Variants in DCX observed in about 807,000 individuals in gnomAD.
DCX encodes the protein doublecortin.
DCX carries 4 observed loss-of-function variants against 20.9 expected under a neutral mutation model. That is an observed-to-expected ratio of 0.19 (90% CI 0.09 to 0.44). DCX has a LOEUF of 0.44. Ranked by LOEUF, DCX falls within the 20% of genes least tolerant of loss-of-function variation. The pLI, the probability that DCX is intolerant of heterozygous loss-of-function variation, is 0.99. For synonymous variants in DCX, 103 were observed against 111.4 expected (o/e 0.92, Z 0.47); for missense variants, 133 against 296.9 (o/e 0.45, Z 4.06).
intron 3 of DCX, among the ~76,000 whole-genome samples, chrX:111,395,761 G>A (rs755457804): frequency 8.9e-6 from 1 of 112,383 alleles, no homozygotes; most frequent in African/African-American, 3.2e-5. Context: ...GAAGGCCAAT[G>A]ATAAATGACC....
chrX:111,373,893 A>AGGC lies in DCX; in HGVS notation c.705+27094_705+27096dup, dbSNP rs755710445. Among the ~76,000 whole-genome samples the AGGC allele has an allele frequency of 2.2e-3, 247 of 111,925 alleles. 2 individuals carry two copies. The highest frequency in any genetic ancestry group is 0.019 in the Admixed American group (203 of 10,518). ...CCCATTTTTATAGACAATAAAACTG[A>AGGC]GGCTCAAAGAAACTTAGAAACTTAT... On this transcript the variant is annotated intron_variant, in intron 3 of 6. Coordinates refer to ENST00000636035, the MANE Select transcript of DCX (RefSeq NM_001195553.2).
chrX:111,322,275 C>T (rs1299854723), intron 5 of DCX, among the ~76,000 whole-genome samples: 1 of 111,360 alleles, frequency 9.0e-6, no homozygotes, highest in Non-Finnish European at 1.9e-5. Context: ...ATGGTATAAA[C>T]TCTGCCCCTT....
intron 6 of DCX, among the ~76,000 whole-genome samples, chrX:111,311,943 G>A (rs1259898017): frequency 8.9e-6 from 1 of 112,088 alleles, no homozygotes; most frequent in Non-Finnish European, 1.9e-5. Flanking sequence ...CACTGCCTTA[G>A]GTATAAGAGA....
intron 2 of DCX, among the ~76,000 whole-genome samples, chrX:111,405,258 G>A (rs191913482): frequency 2.4e-4 from 27 of 112,238 alleles, no homozygotes; most frequent in Non-Finnish European, 4.7e-4. Context: ...CCTGACTCAA[G>A]AAGGAATATA....
intron 6 of DCX, among the ~76,000 whole-genome samples, chrX:111,303,210 C>T (rs960420677): frequency 9.2e-6 from 1 of 109,279 alleles, no homozygotes; most frequent in Non-Finnish European, 1.9e-5. Flanking sequence ...ACCTCAGCCT[C>T]CCGAGTAGCT....
At chrX:111,367,844 C>T (rs773584839) in intron 3 of DCX, among the ~76,000 whole-genome samples, 1 of 111,691 alleles carries the variant, frequency 9.0e-6, no homozygotes, top group Non-Finnish European at 1.9e-5. Context: ...GTTTTGTTAG[C>T]CCCCAACCTC....
intron 3 of DCX, among the ~76,000 whole-genome samples, chrX:111,353,506 T>C (rs1415838283): frequency 1.8e-5 from 2 of 111,763 alleles, no homozygotes; most frequent in African/African-American, 3.3e-5. Flanking sequence ...TATCTTGTTT[T>C]GGCAAAAAGA....
Position 111,331,009 on chromosome X carries a change from T to G in DCX, c.841A>C (p.Thr281Pro), listed in dbSNP as rs747868768. 8.3e-7 allele frequency: 1 copy of G among 1,211,794 alleles called. No individual in the cohort carries two copies. The highest frequency in any genetic ancestry group is 3.0e-5 in the East Asian group (1 of 33,849). ...CRVMKGNPSA[T>P]AGPKASPTPQ... is the part of the protein sequence containing the mutation. ...GTTGGGGATGCCTTTGGGCCAGCTG[T>G]GGCTGATGGGTTTCCCTTCATGACT... The change falls in exon 5 of 7, where the codon ACA (threonine) becomes CCA (proline). Residue 281 changes from threonine (T) to proline (P), a missense_variant. This residue lies in a region of DCX where 68 missense variants were observed against 84.3 expected (regional missense o/e 0.81). Transcript: ENST00000636035.
intron 5 of DCX, among the ~76,000 whole-genome samples, chrX:111,326,546 T>C (rs972440626): frequency 1.8e-5 from 2 of 112,137 alleles, no homozygotes; most frequent in African/African-American, 6.5e-5. Flanking sequence ...AGGAGCCTCC[T>C]GGGCTCAGAT....
chrX:111,376,240 C>G (rs907324452), intron 3 of DCX, among the ~76,000 whole-genome samples: 1 of 111,817 alleles, frequency 8.9e-6, no homozygotes, highest in African/African-American at 3.2e-5. Flanking sequence ...TAACACACCC[C>G]GCACAGAGTC....
chrX:111,410,454 A>G (rs1429619297), intron 1 of DCX, 34 bp from the exon 2 acceptor site: 1 of 1,202,239 alleles, frequency 8.3e-7, no homozygotes, highest in Admixed American at 2.2e-5. Context: ...GGGTGAAGAG[A>G]GGCAAAAACA....
At chrX:111,404,976 G>A (rs899456258) in intron 2 of DCX, among the ~76,000 whole-genome samples, 1 of 112,011 alleles carries the variant, frequency 8.9e-6, no homozygotes, top group African/African-American at 3.2e-5. Context: ...CCTACCAGCT[G>A]GGGGCCTAGA....
At position 111,296,342 on chromosome X, in the gene DCX, A is replaced by C. The variant is rs1357490738; in HGVS notation, c.*5345T>G. The C allele has an allele frequency of 3.6e-5, 4 of 111,969 alleles. No homozygotes were observed. Among genetic ancestry groups the C allele is most frequent in the African/African-American group, 1.3e-4 (4 of 30,741 alleles). 9.2% of individuals were successfully genotyped at this position (111,969 alleles called of 1,213,427 possible). A position where few individuals can be genotyped will look rare whatever the true frequency, so the allele number is the denominator to read the frequency against. On this transcript the variant is annotated 3_prime_UTR_variant, in exon 7 of 7. Coordinates refer to ENST00000636035, the MANE Select transcript of DCX (RefSeq NM_001195553.2). Reference sequence around the variant, plus strand: ...ACCTGCCCTTCTGATCAGGAGCAGAAAGATGCCTTAATTACCAATTGGAAT... The same window carrying C: ...ACCTGCCCTTCTGATCAGGAGCAGACAGATGCCTTAATTACCAATTGGAAT...
chrX:111,409,865 G>T (rs767368125), intron 2 of DCX, among the ~76,000 whole-genome samples, 170 bp downstream of exon 2: 1 of 112,120 alleles, frequency 8.9e-6, no homozygotes, highest in South Asian at 3.8e-4. Context: ...AGACTGAAGG[G>T]TGATTGCTAA....
chrX:111,323,315 T>C (rs2095091156), intron 5 of DCX, among the ~76,000 whole-genome samples: 1 of 112,167 alleles, frequency 8.9e-6, no homozygotes, highest in African/African-American at 3.2e-5. Context: ...ATTTGAATAA[T>C]AATTATCTCA....
intron 3 of DCX, among the ~76,000 whole-genome samples, chrX:111,336,041 A>C (rs1274338251): frequency 8.9e-6 from 1 of 112,483 alleles, no homozygotes; most frequent in African/African-American, 3.2e-5. Flanking sequence ...AGCTGTAAAA[A>C]AAAATTAGTA....
intron 2 of DCX, among the ~76,000 whole-genome samples, chrX:111,408,205 C>T (rs939591007): frequency 8.9e-6 from 1 of 111,794 alleles, no homozygotes; most frequent in African/African-American, 3.3e-5. Context: ...TATTTTAAGA[C>T]ATGCTCCAGG....
Position 111,314,967 on chromosome X carries a change from T to C in DCX, c.947-2231A>G, listed in dbSNP as rs771738638. Among the ~76,000 whole-genome samples, 24 of 107,012 alleles carry C rather than the reference T, an allele frequency of 2.2e-4. 1 individual carries two copies. The highest frequency in any genetic ancestry group is 9.0e-4 in the African/African-American group (24 of 26,798). 92.9% of individuals were successfully genotyped at this position (107,012 alleles called of 115,157 possible). A position where few individuals can be genotyped will look rare whatever the true frequency, so the allele number is the denominator to read the frequency against. On this transcript the variant is annotated intron_variant, in intron 5 of 6. Coordinates refer to ENST00000636035, the MANE Select transcript of DCX (RefSeq NM_001195553.2). The stretch of plus-strand genomic sequence containing the variant: ...CTGTGCAGAAGCTCTTTAGTTTAAT[T>C]AGATCCCATTTGTCAATTTTGTCTT...
intron 3 of DCX, among the ~76,000 whole-genome samples, chrX:111,381,358 T>C (rs1206916744): frequency 9.1e-6 from 1 of 110,117 alleles, no homozygotes; most frequent in African/African-American, 3.3e-5. Context: ...AGTACTAGTG[T>C]AGTATAGTCC....
Sources: allele counts gnomAD v4.1 joint callset (sites outside exome capture counted in the v4.1 genomes callset), GRCh38; gene constraint gnomAD v4.1.1; regional missense constraint gnomAD v4.1.1; transcripts MANE v1.5; gene names NCBI Gene and HGNC (gene_info 2026-07-23, HGNC 2026-07-21).